SRGAP1: variants seen among roughly 807,000 people sequenced by gnomAD.
SRGAP1 encodes SLIT-ROBO Rho GTPase activating protein 1.
In SRGAP1, 43 loss-of-function variants were observed where a neutral mutation model predicts 121.9. The observed-to-expected ratio is 0.35, with a 90% CI of 0.28 to 0.46. The LOEUF (loss-of-function observed/expected upper bound fraction) is 0.46. SRGAP1 is among the 20% of genes least tolerant of loss of function. The probability of loss-of-function intolerance (pLI) is 1.00; values close to 1 mark genes in which losing one functional copy is unlikely to be tolerated. For synonymous variants in SRGAP1, 447 were observed against 485.4 expected, an observed-to-expected ratio of 0.92 and a Z score of 1.04; for missense variants, 1,102 against 1,350.9, an observed-to-expected ratio of 0.82 and a Z score of 2.89.
chr12:64,112,699 G>C (rs1460038511), intron 17 of SRGAP1, among the ~76,000 whole-genome samples: 2 of 152,178 alleles, frequency 1.3e-5, no homozygotes, highest in Non-Finnish European at 1.5e-5. Flanking sequence ...AAATATGGGA[G>C]TGCAGATATC....
intron 3 of SRGAP1, among the ~76,000 whole-genome samples, chr12:64,002,859 A>G (rs951149162): frequency 6.6e-6 from 1 of 152,146 alleles, no homozygotes; most frequent in Non-Finnish European, 1.5e-5. Context: ...GTTTCATAAT[A>G]TAATATTCAG....
At chr12:63,876,048 T>TA (rs1282353168) in intron 1 of SRGAP1, among the ~76,000 whole-genome samples, 6 of 152,150 alleles carry the variant, frequency 3.9e-5, no homozygotes, top group Non-Finnish European at 8.8e-5. Context: ...ATGCATTTTT[T>TA]AAAAAAAGTG....
chr12:63,919,887 A>G (rs562720274), intron 1 of SRGAP1, among the ~76,000 whole-genome samples: 15 of 152,302 alleles, frequency 9.8e-5, no homozygotes, highest in African/African-American at 3.1e-4. Flanking sequence ...ATGCAGAATC[A>G]ATTGATTCAT....
intron 4 of SRGAP1, chr12:64,032,720 A>T: frequency 3.5e-6 from 1 of 282,362 alleles, no homozygotes; most frequent in South Asian, 8.2e-5. Flanking sequence ...ATGTTTCTTC[A>T]CTTATTATTG....
At chr12:64,113,426 A>C (rs2036466540) in intron 17 of SRGAP1, among the ~76,000 whole-genome samples, 1 of 152,138 alleles carries the variant, frequency 6.6e-6, no homozygotes. Context: ...AAAAAAATTT[A>C]GAAGGAATAA....
intron 1 of SRGAP1, among the ~76,000 whole-genome samples, chr12:63,883,221 C>T (rs1283511307): frequency 6.6e-6 from 1 of 152,202 alleles, no homozygotes; most frequent in East Asian, 1.9e-4. Flanking sequence ...TGTGATTGAA[C>T]CCACCTCAGT....
chr12:63,960,929 C>T (rs1051079796), intron 1 of SRGAP1, among the ~76,000 whole-genome samples: 1 of 152,146 alleles, frequency 6.6e-6, no homozygotes, highest in Non-Finnish European at 1.5e-5. Flanking sequence ...TGGTATTTGC[C>T]TCTGAAAAAT....
intron 1 of SRGAP1, among the ~76,000 whole-genome samples, chr12:63,953,260 G>A (rs543500334): frequency 1.1e-4 from 17 of 152,248 alleles, no homozygotes; most frequent in Admixed American, 7.8e-4. Context: ...AACCATATGT[G>A]GAGAATCTGA....
intron 1 of SRGAP1, among the ~76,000 whole-genome samples, chr12:63,873,332 A>C (rs1400423993): frequency 6.6e-6 from 1 of 152,062 alleles, no homozygotes; most frequent in Non-Finnish European, 1.5e-5. Flanking sequence ...GGAGCTCAAG[A>C]CCAGCCTGAC....
intron 1 of SRGAP1, among the ~76,000 whole-genome samples, chr12:63,950,131 G>A (rs1220973401): frequency 1.3e-5 from 2 of 152,186 alleles, no homozygotes; most frequent in Non-Finnish European, 2.9e-5. Context: ...CAGCTGGCTA[G>A]AATGTGAATA....
Position 64,000,645 on chromosome 12 carries a change from G to C in SRGAP1, c.426+10573G>C, listed in dbSNP as rs935857541. Reference sequence around the variant, plus strand: ...CCAAAAATAATATGTTGAGGAAAAGGAGCCACAAAAAGGGAAGCTTGACAT... The same window carrying C: ...CCAAAAATAATATGTTGAGGAAAAGCAGCCACAAAAAGGGAAGCTTGACAT... On this transcript the variant is annotated intron_variant, in intron 3 of 21. Coordinates refer to ENST00000355086, the MANE Select transcript of SRGAP1 (RefSeq NM_020762.4). 2.0e-5 allele frequency among the ~76,000 whole-genome samples: 3 copies of C among 152,208 alleles called. No homozygotes were observed. In the South Asian group the frequency reaches 6.2e-4, roughly 32 times the overall value.
intron 1 of SRGAP1, among the ~76,000 whole-genome samples, chr12:63,906,530 G>A (rs2030219176): frequency 6.6e-6 from 1 of 152,080 alleles, no homozygotes; most frequent in African/African-American, 2.4e-5. Context: ...AGCCAGGATG[G>A]TCTCAATCTC....
rs2035309160 is a variant in SRGAP1, at chr12:64,054,846, C to G, written c.802-8071C>G. 6.0e-5 allele frequency among the ~76,000 whole-genome samples: 9 copies of G among 151,014 alleles called. No homozygotes were observed. The South Asian group carries it at 1.9e-3, about 32-fold the overall frequency. On this transcript the variant is annotated intron_variant, in intron 6 of 21. Transcript: ENST00000355086. Reference sequence around the variant, plus strand: ...TGGTGCACTGCACCCACTAACTTGTCATCTAGCATTAGGTATATCTCCCAA... The same window carrying G: ...TGGTGCACTGCACCCACTAACTTGTGATCTAGCATTAGGTATATCTCCCAA...
chr12:64,096,604 T>G (rs923827019), intron 14 of SRGAP1, among the ~76,000 whole-genome samples: 2 of 152,178 alleles, frequency 1.3e-5, no homozygotes, highest in East Asian at 3.8e-4. Context: ...ATTTTATATT[T>G]GTGATATATT....
intron 18 of SRGAP1, among the ~76,000 whole-genome samples, chr12:64,117,470 T>C (rs1188126513): frequency 6.6e-6 from 1 of 152,242 alleles, no homozygotes; most frequent in Non-Finnish European, 1.5e-5. Flanking sequence ...TTTCAAATGC[T>C]TATTATGTCT....
intron 3 of SRGAP1, among the ~76,000 whole-genome samples, chr12:64,012,072 A>G (rs1361405358): frequency 6.6e-6 from 1 of 151,816 alleles, no homozygotes; most frequent in Admixed American, 6.6e-5. Flanking sequence ...AAACAAACAA[A>G]AAAAATTATA....
intron 18 of SRGAP1, among the ~76,000 whole-genome samples, chr12:64,118,015 G>T (rs1399482063): frequency 6.6e-6 from 1 of 152,104 alleles, no homozygotes; most frequent in Non-Finnish European, 1.5e-5. Flanking sequence ...GGACATTTAG[G>T]CCATTTCTAC....
At chr12:63,861,302 A>ATATATATTTT (rs1184711599) in intron 1 of SRGAP1, among the ~76,000 whole-genome samples, 9 of 132,624 alleles carry the variant, frequency 6.8e-5, no homozygotes, top group African/African-American at 2.3e-4. Flanking sequence ...ATATATATAT[A>ATATATATTTT]TTTTTTTTTT....
rs187101826 is a variant in SRGAP1, at chr12:63,963,446, A to C, written c.68-20501A>C. On this transcript the variant is annotated intron_variant, in intron 1 of 21. Transcript: ENST00000355086. ...GTTTTTAATTGACACATAATTGTAC[A>C]TGAGATATTTTGATATGTGTGTACA... Among the ~76,000 whole-genome samples the C allele has an allele frequency of 3.3e-5, 5 of 152,338 alleles. No individual in the cohort carries two copies. In the South Asian group the frequency reaches 6.2e-4, roughly 19 times the overall value.
Sources: allele counts gnomAD v4.1 joint callset (sites outside exome capture counted in the v4.1 genomes callset), GRCh38; gene constraint gnomAD v4.1.1; transcripts MANE v1.5; gene names NCBI Gene and HGNC (gene_info 2026-07-23, HGNC 2026-07-21).